The following RPL3L variants were observed in gnomAD, a reference collection of about 807,000 sequenced individuals.
The protein encoded by RPL3L is ribosomal protein uL3-like.
RPL3L carries 44 observed loss-of-function variants against 44.5 expected under a neutral mutation model. The ratio of observed to expected loss-of-function variants is 0.99; its 90% CI spans 0.78 to 1.27. The LOEUF (loss-of-function observed/expected upper bound fraction) is 1.27. Ranked by LOEUF, RPL3L falls within the 50% of genes most tolerant of loss-of-function variation. The pLI is 0.00. For missense variants in RPL3L, 631 were observed against 569.1 expected (o/e 1.11, Z -1.11); for synonymous variants, 292 against 230.7 (o/e 1.27, Z -2.41).
rs548699428 is a variant in RPL3L, at chr16:1,954,060, G to A, written c.92C>T (p.Thr31Met). ...CTGGCTGGGGTCATCCCGCGGCCAC[G>A]TCTTCACCTTGCCCCGGTGCCGGTG... ...RSHRHRGKVKTWPRDDPSQPV... is the reference protein window; with the variant it reads ...RSHRHRGKVKMWPRDDPSQPV... The change falls in exon 2 of 10, where the codon ACG (threonine) becomes ATG (methionine). Residue 31 changes from threonine (T) to methionine (M), a missense_variant. Coordinates refer to ENST00000268661, the MANE Select transcript of RPL3L (RefSeq NM_005061.3). 8.4e-5 allele frequency: 135 copies of A among 1,606,682 alleles called. 1 individual carries two copies. The highest frequency in any genetic ancestry group is 8.0e-4 in the South Asian group (72 of 89,724).
chr16:1,950,260 G>A (rs375349369), intron 4 of RPL3L, among the ~76,000 whole-genome samples: 2 of 151,932 alleles, frequency 1.3e-5, no homozygotes, highest in South Asian at 2.1e-4. Context: ...CTGTGGCCCC[G>A]CCCAGGGCCT....
rs2083114378 is a variant in RPL3L, at chr16:1,945,536, C to T, written c.1130G>A (p.Gly377Asp). 1 of 1,613,510 alleles carries T rather than the reference C, an allele frequency of 6.2e-7. No individual in the cohort carries two copies. The highest frequency in any genetic ancestry group is 8.5e-7 in the Non-Finnish European group (1 of 1,179,898). The change falls in exon 9 of 10, where the codon GGC becomes GAC. Residue 377 changes from glycine (G) to aspartate (D), a missense_variant. Gly to Asp is a moderately conservative substitution (Grantham distance 94). Coordinates refer to ENST00000268661, the MANE Select transcript of RPL3L (RefSeq NM_005061.3). ...FIDTTSKFGH[G>D]RFQTAQEKRA... ...CTTCTCTTGGGCTGTCTGGAAGCGG[C>T]CATGGCCGAACTTGGAGGTGGTGTC...
intron 2 of RPL3L, 55 bp downstream of exon 2, chr16:1,953,901 A>G: frequency 2.1e-6 from 3 of 1,417,208 alleles, no homozygotes; most frequent in Non-Finnish European, 2.8e-6. Flanking sequence ...TCTGGCTCCG[A>G]GCATCTGGAA....
At position 1,947,255 on chromosome 16, in the gene RPL3L, G is replaced by A. The variant is rs774524261; in HGVS notation, c.627C>T (p.Ser209=). 4.3e-6 allele frequency: 7 copies of A among 1,613,488 alleles called. No individual in the cohort carries two copies. The highest frequency in any genetic ancestry group is 4.0e-5 in the African/African-American group (3 of 75,046). The change falls in exon 5 of 10, where the codon AGC becomes AGT. Residue 209 remains serine, a synonymous_variant. Coordinates refer to ENST00000268661, the MANE Select transcript of RPL3L (RefSeq NM_005061.3). ...CAATGACCTCACTCTGGCTGAACACGCTGTGCACGGGCACCTGCTTCTCCA... is the reference window on the plus strand; with the variant it reads ...CAATGACCTCACTCTGGCTGAACACACTGTGCACGGGCACCTGCTTCTCCA... ...ARLEKQVPVH[S]VFSQSEVIDV...
At position 1,953,889 on chromosome 16, in the gene RPL3L, G is replaced by A. The variant is rs892295712; in HGVS notation, c.196+67C>T. The A allele has an allele frequency of 2.0e-4, 278 of 1,399,162 alleles. 1 individual carries two copies. Among genetic ancestry groups the A allele is most frequent in the Non-Finnish European group, 2.3e-4 (242 of 1,066,182 alleles). The allele number at this position is 1,399,162 out of a possible 1,614,324, so 86.7% of individuals were successfully genotyped here. On this transcript the variant is annotated intron_variant, in intron 2 of 9. Coordinates refer to ENST00000268661, the MANE Select transcript of RPL3L (RefSeq NM_005061.3). ...GGCCCTGTCTGGACCAAAAGCGTGA[G>A]TTCTGGCTCCGAGCATCTGGAAGGT...
intron 2 of RPL3L, 84 bp from the exon 3 acceptor site, chr16:1,953,126 C>T: frequency 1.4e-6 from 2 of 1,445,902 alleles, no homozygotes; most frequent in Middle Eastern, 1.9e-4. Context: ...CACATAGGGG[C>T]AGGACAGGAG....
intron 3 of RPL3L, among the ~76,000 whole-genome samples, chr16:1,951,585 T>C (rs1053614412): frequency 2.0e-5 from 3 of 152,038 alleles, no homozygotes; most frequent in Non-Finnish European, 4.4e-5. Flanking sequence ...TTTCGTCATG[T>C]TGCCCAGGCT....
At chr16:1,947,625 C>T (rs1356567713) in intron 4 of RPL3L, among the ~76,000 whole-genome samples, 1 of 152,186 alleles carries the variant, frequency 6.6e-6, no homozygotes, top group Non-Finnish European at 1.5e-5. Context: ...CCAAGTAACT[C>T]TTGGAGAGGA....
At chr16:1,953,093 G>C (rs751017577) in intron 2 of RPL3L, 51 bp from the exon 3 acceptor site, 6 of 1,537,974 alleles carry the variant, frequency 3.9e-6, no homozygotes, top group East Asian at 2.3e-5. Flanking sequence ...TGAGGCCTGT[G>C]GGGGAGGGAG....
chr16:1,948,701 T>G (rs1240164390), intron 4 of RPL3L, among the ~76,000 whole-genome samples: 1 of 81,374 alleles, frequency 1.2e-5, no homozygotes, highest in Non-Finnish European at 2.2e-5. Context: ...TGCCCAGTTG[T>G]TTTTTTTTTG....
chr16:1,948,008 G>A (rs1431984534), intron 4 of RPL3L, among the ~76,000 whole-genome samples: 2 of 149,558 alleles, frequency 1.3e-5, no homozygotes, highest in Non-Finnish European at 3.0e-5. Flanking sequence ...CATGATCTCG[G>A]CTCACTGCAA....
chr16:1,950,021 G>A (rs1326729638), intron 4 of RPL3L, among the ~76,000 whole-genome samples: 1 of 139,360 alleles, frequency 7.2e-6, no homozygotes, highest in Non-Finnish European at 1.5e-5. Flanking sequence ...GGTATGTAGG[G>A]AGCAGGTATG....
rs567718572 is a variant in RPL3L at position 1,944,414 on chromosome 16, ACTCCCTGTGATTTC to A, written c.*409_*422del. On this transcript the variant is annotated 3_prime_UTR_variant, in exon 10 of 10. Coordinates refer to ENST00000268661, the MANE Select transcript of RPL3L (RefSeq NM_005061.3). ...CTGACTCAGCGCAAGAAGACAGCTG[ACTCCCTGTGATTTC>A]CTCCCTGACCAATCGGCTCTCCTGG... The A allele has an allele frequency of 1.5e-3, 247 of 164,380 alleles. No individual in the cohort carries two copies. The highest frequency in any genetic ancestry group is 5.4e-3 in the African/African-American group (223 of 41,378). 10.2% of individuals were successfully genotyped at this position (164,380 alleles called of 1,614,324 possible). A position where few individuals can be genotyped will look rare whatever the true frequency, so the allele number is the denominator to read the frequency against.
rs556663783 is a variant in RPL3L, at chr16:1,946,607, G to A, written c.951+18C>T. 31 of 1,606,354 alleles carry A rather than the reference G, an allele frequency of 1.9e-5. No individual in the cohort carries two copies. The Admixed American group carries it at 2.5e-4, about 13-fold the overall frequency. ...CAGCGGTGTGATGGGCCTGGCAGTCGCCCCCTCCCAGCCTCACCAGCGGTG... is the reference window on the plus strand; with the variant it reads ...CAGCGGTGTGATGGGCCTGGCAGTCACCCCCTCCCAGCCTCACCAGCGGTG... On this transcript the variant is annotated intron_variant, in intron 7 of 9. Coordinates refer to ENST00000268661, the MANE Select transcript of RPL3L (RefSeq NM_005061.3).
In RPL3L at chr16:1,944,731, G is replaced by A. The variant is rs542527711; in HGVS notation, c.*106C>T. On this transcript the variant is annotated 3_prime_UTR_variant, in exon 10 of 10. Coordinates refer to ENST00000268661, the MANE Select transcript of RPL3L (RefSeq NM_005061.3). ...AGCAGGCAAGGTGAACCCCTTGGGCGGTTACACAGCGCTCTGAGACCTCGC... is the reference window on the plus strand; with the variant it reads ...AGCAGGCAAGGTGAACCCCTTGGGCAGTTACACAGCGCTCTGAGACCTCGC... The A allele has an allele frequency of 2.5e-5, 36 of 1,424,656 alleles. No homozygotes were observed. In the African/African-American group the frequency reaches 3.8e-4, roughly 15 times the overall value. The allele number at this position is 1,424,656 out of a possible 1,614,324, so 88.3% of individuals were successfully genotyped here. A position where few individuals can be genotyped will look rare whatever the true frequency, so the allele number is the denominator to read the frequency against.
At chr16:1,949,150 T>C (rs745502979) in intron 4 of RPL3L, among the ~76,000 whole-genome samples, 1 of 151,646 alleles carries the variant, frequency 6.6e-6, no homozygotes, top group Non-Finnish European at 1.5e-5. Context: ...TTTAATTTTT[T>C]TGTAGAGATG....
chr16:1,946,862 A>G (rs1597025302), intron 6 of RPL3L, 76 bp downstream of exon 6: 1 of 1,558,334 alleles, frequency 6.4e-7, no homozygotes. Flanking sequence ...TGGGTCATGC[A>G]CCCCACCCAC....
Position 1,954,666 on chromosome 16 carries a change from G to A in RPL3L, c.-35C>T, listed in dbSNP as rs371980879. 37 of 1,516,272 alleles carry A rather than the reference G, an allele frequency of 2.4e-5. No homozygotes were observed. The African/African-American group carries it at 3.1e-4, about 13-fold the overall frequency. The allele number at this position is 1,516,272 out of a possible 1,614,324, so 93.9% of individuals were successfully genotyped here. Reference sequence around the variant, plus strand: ...TCCCTGAAGGTCAGGAAGGGGCCTCGCCGCTAGCCGCCAGAGGTCGAGTGG... The same window carrying A: ...TCCCTGAAGGTCAGGAAGGGGCCTCACCGCTAGCCGCCAGAGGTCGAGTGG... On this transcript the variant is annotated 5_prime_UTR_variant, in exon 1 of 10. Coordinates refer to ENST00000268661, the MANE Select transcript of RPL3L (RefSeq NM_005061.3).
intron 7 of RPL3L, 109 bp from the exon 8 acceptor site, chr16:1,946,039 C>T (rs867945909): frequency 1.2e-4 from 105 of 877,420 alleles, no homozygotes; most frequent in African/African-American, 8.1e-4. Flanking sequence ...GCAGGAGCCC[C>T]GTGCCCAGCC....
Sources: allele counts gnomAD v4.1 joint callset (sites outside exome capture counted in the v4.1 genomes callset), GRCh38; gene constraint gnomAD v4.1.1; transcripts MANE v1.5; gene names NCBI Gene and HGNC (gene_info 2026-07-23, HGNC 2026-07-21).